NKD1: variants seen among roughly 807,000 people sequenced by gnomAD.
NKD1 encodes the protein NKD inhibitor of Wnt signaling pathway 1.
NKD1 carries 21 observed loss-of-function variants against 56.0 expected under a neutral mutation model. That is an observed-to-expected ratio of 0.38 (90% CI 0.27 to 0.54). The LOEUF (loss-of-function observed/expected upper bound fraction) is 0.54, where lower values mean the gene tolerates loss of function less well. Among genes scored for constraint, NKD1 ranks in the 20% least tolerant of loss-of-function variants. The pLI is 0.82. For synonymous variants in NKD1, 263 were observed against 265.7 expected, an observed-to-expected ratio of 0.99 and a Z score of 0.10; for missense variants, 578 against 642.7, an observed-to-expected ratio of 0.90 and a Z score of 1.09.
rs1308334926 is a variant in NKD1, at chr16:50,644,653, T to G, written c.*10872T>G. ...TACTGGGGCCCAGGGTGACTCTGAG[T>G]GGCTCAAGTCCCCTGGCCAGATCCT... On this transcript the variant is annotated 3_prime_UTR_variant, in exon 10 of 10. Transcript: ENST00000268459. 1 of 152,162 alleles carries G rather than the reference T, an allele frequency of 6.6e-6. No homozygotes were observed. Among genetic ancestry groups the G allele is most frequent in the African/African-American group, 2.4e-5 (1 of 41,436 alleles). 9.4% of individuals were successfully genotyped at this position (152,162 alleles called of 1,614,324 possible).
intron 4 of NKD1, among the ~76,000 whole-genome samples, chr16:50,617,857 G>T (rs888609253): frequency 3.3e-5 from 5 of 152,226 alleles, no homozygotes; most frequent in African/African-American, 1.2e-4. Context: ...ACATATCCTG[G>T]TGGAAGTAGA....
intron 3 of NKD1, among the ~76,000 whole-genome samples, chr16:50,591,858 C>T (rs1596725779): frequency 1.3e-5 from 2 of 152,232 alleles, no homozygotes; most frequent in African/African-American, 4.8e-5. Context: ...TAATTGACCT[C>T]AGGCTATATG....
At chr16:50,617,185 T>C (rs1488839146) in intron 4 of NKD1, among the ~76,000 whole-genome samples, 4 of 151,994 alleles carry the variant, frequency 2.6e-5, no homozygotes, top group African/African-American at 4.8e-5. Context: ...GAGCCTCCCA[T>C]TGGGCCCATG....
chr16:50,573,002 C>T (rs1412776007), intron 3 of NKD1: 1 of 340,040 alleles, frequency 2.9e-6, no homozygotes, highest in Non-Finnish European at 4.2e-6. Context: ...AGGCAACTTT[C>T]CTAATGTTTC....
At chr16:50,595,031 T>G (rs1204854407) in intron 3 of NKD1, among the ~76,000 whole-genome samples, 1 of 152,214 alleles carries the variant, frequency 6.6e-6, no homozygotes, top group Non-Finnish European at 1.5e-5. Context: ...TTTGGTTGCC[T>G]GAGACAGTGC....
Position 50,632,602 on chromosome 16 carries a change from G to A in NKD1, c.823+194G>A, listed in dbSNP as rs1962371235. ...ATTAAAGTAATACATGCACGAAATC[G>A]AACAAAATCCAATAGTATCTAAAGG... On this transcript the variant is annotated intron_variant, in intron 9 of 9. Coordinates refer to ENST00000268459, the MANE Select transcript of NKD1 (RefSeq NM_033119.5). This position sits in a 1 kb window ranked among gnomAD's most constrained non-coding sequence, Gnocchi z 4.1. Among the ~76,000 whole-genome samples the A allele has an allele frequency of 6.6e-6, 1 of 152,182 alleles. No individual in the cohort carries two copies. Among genetic ancestry groups the A allele is most frequent in the Non-Finnish European group, 1.5e-5 (1 of 68,036 alleles).
rs1269532255 is a variant in NKD1, at chr16:50,647,635, T to A, written c.*13854T>A. On this transcript the variant is annotated 3_prime_UTR_variant, in exon 10 of 10. Transcript: ENST00000268459. ...CCTGCACAGGGAGGGAGCTGAGGTA[T>A]TTACCCACCCATCCTTGTCAGTCAT... 1.3e-5 allele frequency: 2 copies of A among 152,188 alleles called. No individual in the cohort carries two copies. The highest frequency in any genetic ancestry group is 2.4e-5 in the African/African-American group (1 of 41,434). 9.4% of individuals were successfully genotyped at this position (152,188 alleles called of 1,614,324 possible).
Position 50,642,465 on chromosome 16 carries a change from A to T in NKD1, c.*8684A>T, listed in dbSNP as rs1962596527. 6.6e-6 allele frequency: 1 copy of T among 152,292 alleles called. No homozygotes were observed. The highest frequency in any genetic ancestry group is 6.5e-5 in the Admixed American group (1 of 15,284). The allele number at this position is 152,292 out of a possible 1,614,324, so 9.4% of individuals were successfully genotyped here. On this transcript the variant is annotated 3_prime_UTR_variant, in exon 10 of 10. Transcript: ENST00000268459. The stretch of plus-strand genomic sequence containing the variant: ...TTGGCTAAGATGAGCAGACTGGCCC[A>T]TGGTTGAGACTTTGGACCTGAGCTG...
intron 3 of NKD1, among the ~76,000 whole-genome samples, chr16:50,600,721 T>C (rs1961577587): frequency 6.6e-6 from 1 of 152,136 alleles, no homozygotes; most frequent in Admixed American, 6.5e-5. Context: ...GGTTCAGGAT[T>C]GGGCAACCCG....
At chr16:50,589,770 TCC>T (rs1961320821) in intron 3 of NKD1, among the ~76,000 whole-genome samples, 2 of 80,064 alleles carry the variant, frequency 2.5e-5, no homozygotes, top group South Asian at 6.0e-4. Flanking sequence ...TTCTCTCCTC[TCC>T]TCTCCTCTCC....
At chr16:50,579,236 C>T (rs1294284784) in intron 3 of NKD1, among the ~76,000 whole-genome samples, 1 of 150,506 alleles carries the variant, frequency 6.6e-6, no homozygotes, top group Non-Finnish European at 1.5e-5. Context: ...CATGCACTGT[C>T]TTACTCCTGC....
chr16:50,634,027 A>C lies in NKD1; in HGVS notation c.*246A>C. The C allele has an allele frequency of 5.3e-6, 2 of 377,286 alleles. No homozygotes were observed. The highest frequency in any genetic ancestry group is 9.4e-6 in the Non-Finnish European group (2 of 212,760). The allele number at this position is 377,286 out of a possible 1,614,324, so 23.4% of individuals were successfully genotyped here. On this transcript the variant is annotated 3_prime_UTR_variant, in exon 10 of 10. Coordinates refer to ENST00000268459, the MANE Select transcript of NKD1 (RefSeq NM_033119.5). ...TGACTCTGGTTTTGAGTGGCCTGTA[A>C]TGGGCAGAGGCTCCCTCGGGGCTCG...
intron 3 of NKD1, chr16:50,575,228 G>C: frequency 3.0e-6 from 3 of 985,410 alleles, no homozygotes; most frequent in Non-Finnish European, 3.6e-6. Flanking sequence ...TTAACTAGGG[G>C]CTGAGAGATA....
chr16:50,630,002 C>CCCTCATTTCTGCTT (rs1244135899), intron 6 of NKD1, among the ~76,000 whole-genome samples, 184 bp from the exon 7 acceptor site: 3 of 152,158 alleles, frequency 2.0e-5, no homozygotes, highest in Non-Finnish European at 4.4e-5. Flanking sequence ...TCTCCCTGCT[C>CCCTCATTTCTGCTT]CCTCATTTCT....
At chr16:50,573,476 C>CG (rs922940938) in intron 3 of NKD1, among the ~76,000 whole-genome samples, 1 of 152,210 alleles carries the variant, frequency 6.6e-6, no homozygotes, top group African/African-American at 2.4e-5. Context: ...CCGGGTGCTG[C>CG]GGGGAAAGAG....
At chr16:50,608,950 A>T (rs563294787) in intron 4 of NKD1, among the ~76,000 whole-genome samples, 1 of 152,278 alleles carries the variant, frequency 6.6e-6, no homozygotes, top group South Asian at 2.1e-4. Context: ...CAGCCTCTCA[A>T]GTAGCTAGGA....
At chr16:50,575,376 T>A (rs1467633686) in intron 3 of NKD1, 1 of 981,886 alleles carries the variant, frequency 1.0e-6, no homozygotes, top group African/African-American at 1.7e-5. Flanking sequence ...TTTCAGAACA[T>A]CAGCGCGAGG....
At chr16:50,548,615 G>A (rs1293418812) in intron 1 of NKD1, 37 bp downstream of exon 1, 2 of 1,441,356 alleles carry the variant, frequency 1.4e-6, no homozygotes, top group Non-Finnish European at 1.8e-6. Context: ...CCCGGGCCCC[G>A]CCGCCGTCGC....
chr16:50,613,346 G>A (rs1242889919), intron 4 of NKD1, among the ~76,000 whole-genome samples: 1 of 152,102 alleles, frequency 6.6e-6, no homozygotes, highest in Non-Finnish European at 1.5e-5. Flanking sequence ...GGGACTCTCG[G>A]GCAAGGCTCC....
Sources: allele counts gnomAD v4.1 joint callset (sites outside exome capture counted in the v4.1 genomes callset), GRCh38; gene constraint gnomAD v4.1.1; non-coding constraint Gnocchi (gnomAD v3.1); transcripts MANE v1.5; gene names NCBI Gene and HGNC (gene_info 2026-07-23, HGNC 2026-07-21).